KCNJ3: variants seen among roughly 807,000 people sequenced by gnomAD.
The protein encoded by KCNJ3 is potassium inwardly rectifying channel subfamily J member 3.
A neutral mutation model predicts 39.2 loss-of-function variants in KCNJ3; 4 were observed. The observed-to-expected ratio is 0.10, with a 90% CI of 0.05 to 0.23. KCNJ3 has a LOEUF of 0.23. Among genes scored for constraint, KCNJ3 ranks in the 10% least tolerant of loss-of-function variants. The pLI, the probability that KCNJ3 is intolerant of heterozygous loss-of-function variation, is 1.00. For missense variants in KCNJ3, 276 were observed against 634.9 expected, an observed-to-expected ratio of 0.43 and a Z score of 6.08; for synonymous variants, 230 against 237.4, an observed-to-expected ratio of 0.97 and a Z score of 0.29.
chr2:154,831,971 C>G (rs1398188465), intron 2 of KCNJ3, among the ~76,000 whole-genome samples: 1 of 152,012 alleles, frequency 6.6e-6, no homozygotes, highest in Non-Finnish European at 1.5e-5. Context: ...GAAGGGGAAC[C>G]AGTGTGTGCA....
chr2:154,803,095 A>G (rs1473222240), intron 2 of KCNJ3, among the ~76,000 whole-genome samples: 2 of 152,090 alleles, frequency 1.3e-5, no homozygotes, highest in African/African-American at 4.8e-5. Flanking sequence ...GCTTAAGGTT[A>G]TTTAGATGAT....
At chr2:154,795,970 A>G (rs1686712773) in intron 2 of KCNJ3, among the ~76,000 whole-genome samples, 1 of 152,098 alleles carries the variant, frequency 6.6e-6, no homozygotes, top group African/African-American at 2.4e-5. Flanking sequence ...TCCTTGTAGA[A>G]TAGTTCACAG....
chr2:154,823,175 A>G (rs1016731368), intron 2 of KCNJ3, among the ~76,000 whole-genome samples: 3 of 152,248 alleles, frequency 2.0e-5, no homozygotes, highest in Admixed American at 6.5e-5. Flanking sequence ...GGTACATACA[A>G]TCATGCATAT....
intron 2 of KCNJ3, among the ~76,000 whole-genome samples, chr2:154,722,425 G>A (rs916691476): frequency 2.6e-5 from 4 of 152,078 alleles, no homozygotes; most frequent in African/African-American, 9.7e-5. Context: ...GCAAAGAAGG[G>A]GGAAAAGAAT....
chr2:154,795,488 C>T (rs1686706668), intron 2 of KCNJ3, among the ~76,000 whole-genome samples: 1 of 151,958 alleles, frequency 6.6e-6, no homozygotes, highest in South Asian at 2.1e-4. Flanking sequence ...GTATTTTCCA[C>T]AGTTTTAGAG....
intron 2 of KCNJ3, among the ~76,000 whole-genome samples, chr2:154,756,025 C>A (rs949937929): frequency 1.3e-5 from 2 of 152,138 alleles, no homozygotes; most frequent in Non-Finnish European, 2.9e-5. Flanking sequence ...TTGGGGCAGA[C>A]CTTTTTTACT....
chr2:154,822,016 T>G lies in KCNJ3; in HGVS notation c.920-32711T>G, dbSNP rs560541506. 1.4e-4 allele frequency among the ~76,000 whole-genome samples: 22 copies of G among 152,214 alleles called. No individual in the cohort carries two copies. In the East Asian group the frequency reaches 4.3e-3, roughly 29 times the overall value. The stretch of plus-strand genomic sequence containing the variant: ...CACCAAAGAGTGCAATCATTCTATT[T>G]TCTTAATTCTGGACTTAAAGTATGC... On this transcript the variant is annotated intron_variant, in intron 2 of 2. Transcript: ENST00000295101.
At chr2:154,800,385 T>C (rs1480175541) in intron 2 of KCNJ3, among the ~76,000 whole-genome samples, 3 of 152,164 alleles carry the variant, frequency 2.0e-5, no homozygotes, top group Admixed American at 6.6e-5. Flanking sequence ...TTTTGGACAG[T>C]CCTAGGTAAA....
intron 2 of KCNJ3, among the ~76,000 whole-genome samples, chr2:154,775,457 G>A (rs1452824305): frequency 6.6e-6 from 1 of 152,020 alleles, no homozygotes; most frequent in Non-Finnish European, 1.5e-5. Context: ...AGTGCTATTT[G>A]CTTCCCAGAA....
At chr2:154,815,599 CA>C (rs1687071196) in intron 2 of KCNJ3, among the ~76,000 whole-genome samples, 2 of 152,192 alleles carry the variant, frequency 1.3e-5, no homozygotes, top group South Asian at 4.1e-4. Flanking sequence ...TGTACTTATG[CA>C]TAGGCATATA....
chr2:154,829,024 T>C (rs2105117190), intron 2 of KCNJ3, among the ~76,000 whole-genome samples: 1 of 152,310 alleles, frequency 6.6e-6, no homozygotes, highest in Admixed American at 6.5e-5. Flanking sequence ...ACCATCTTGA[T>C]TGTGTGACTT....
chr2:154,765,978 C>G (rs1426765641), intron 2 of KCNJ3, among the ~76,000 whole-genome samples: 1 of 152,114 alleles, frequency 6.6e-6, no homozygotes, highest in South Asian at 2.1e-4. Context: ...TGGCGCCAAA[C>G]AGTTGCACAC....
intron 2 of KCNJ3, among the ~76,000 whole-genome samples, chr2:154,826,091 C>T (rs1327626542): frequency 2.0e-5 from 3 of 151,852 alleles, no homozygotes; most frequent in Non-Finnish European, 2.9e-5. Flanking sequence ...TAAATATTTC[C>T]CATATTTAAC....
intron 2 of KCNJ3, among the ~76,000 whole-genome samples, chr2:154,776,061 G>A (rs1199516080): frequency 6.6e-6 from 1 of 151,616 alleles, no homozygotes; most frequent in Non-Finnish European, 1.5e-5. Context: ...GAGTGTAGTG[G>A]TGCAATCTCG....
chr2:154,801,943 A>T (rs1686827186), intron 2 of KCNJ3, among the ~76,000 whole-genome samples: 1 of 152,116 alleles, frequency 6.6e-6, no homozygotes, highest in African/African-American at 2.4e-5. Context: ...CTTTCTTATT[A>T]CAACTAGAAT....
intron 2 of KCNJ3, among the ~76,000 whole-genome samples, chr2:154,771,839 G>A (rs1331815453): frequency 6.6e-6 from 1 of 152,158 alleles, no homozygotes; most frequent in Non-Finnish European, 1.5e-5. Flanking sequence ...CTCAAGGGAG[G>A]AATTGATATC....
intron 2 of KCNJ3, among the ~76,000 whole-genome samples, chr2:154,768,744 G>A (rs1686179909): frequency 6.6e-6 from 1 of 152,160 alleles, no homozygotes; most frequent in Non-Finnish European, 1.5e-5. Flanking sequence ...GTAGCTTGAT[G>A]GGGATGGCAT....
chr2:154,719,087 T>A (rs1367830084), intron 2 of KCNJ3, among the ~76,000 whole-genome samples: 1 of 152,178 alleles, frequency 6.6e-6, no homozygotes, highest in Non-Finnish European at 1.5e-5. Context: ...TGTATCATAA[T>A]CTCATGGGAT....
Position 154,857,137 on chromosome 2 carries a change from G to T in KCNJ3, c.*1824G>T, listed in dbSNP as rs1343836861. 2 of 152,136 alleles carry T rather than the reference G, an allele frequency of 1.3e-5. No individual in the cohort carries two copies. Among genetic ancestry groups the T allele is most frequent in the African/African-American group, 4.8e-5 (2 of 41,412 alleles). 9.4% of individuals were successfully genotyped at this position (152,136 alleles called of 1,614,324 possible). A position where few individuals can be genotyped will look rare whatever the true frequency, so the allele number is the denominator to read the frequency against. ...TGGCAAAATGATCAATCTGGAGTGT[G>T]CATCCACTGTGAATGGAGCAAATTG... is the stretch of plus-strand genomic sequence containing the variant. On this transcript the variant is annotated 3_prime_UTR_variant, in exon 3 of 3. Coordinates refer to ENST00000295101, the MANE Select transcript of KCNJ3 (RefSeq NM_002239.4).
Sources: gnomAD v4.1 joint callset for allele counts (sites outside exome capture counted in the v4.1 genomes callset) on GRCh38, gnomAD v4.1.1 for gene constraint, MANE v1.5 for transcripts, NCBI Gene and HGNC (gene_info 2026-07-23, HGNC 2026-07-21) for gene names.